Variants in ELAVL1 observed in about 807,000 individuals in gnomAD.
ELAVL1 encodes ELAV like RNA binding protein 1, also known as ELAV-like protein 1.
A neutral mutation model predicts 28.4 loss-of-function variants in ELAVL1; 1 was observed. The ratio of observed to expected loss-of-function variants is 0.04; its 90% CI spans 0.01 to 0.17. ELAVL1 has a LOEUF of 0.17. ELAVL1 is among the 10% of genes least tolerant of loss of function. The pLI, the probability that ELAVL1 is intolerant of heterozygous loss-of-function variation, is 1.00. For synonymous variants in ELAVL1, 174 were observed against 183.5 expected (o/e 0.95, Z 0.42); for missense variants, 157 against 447.2 (o/e 0.35, Z 5.85).
rs944471928 is a variant in ELAVL1, at chr19:7,979,552, A to T, written c.276+1531T>A. Among the ~76,000 whole-genome samples, 2 of 152,180 alleles carry T rather than the reference A, an allele frequency of 1.3e-5. No homozygotes were observed. The highest frequency in any genetic ancestry group is 2.9e-5 in the Non-Finnish European group (2 of 68,030). ...CCTTCACACATTTTCTAAATAGGGG[A>T]GAGAATTCCTAGATGGGGAGTCCAG... On this transcript the variant is annotated intron_variant, in intron 3 of 5. Transcript: ENST00000407627. The surrounding 1 kb of genome is among the most constrained non-coding windows in gnomAD (Gnocchi z 5.4).
At chr19:7,964,017 C>T (rs1007898280) in intron 5 of ELAVL1, among the ~76,000 whole-genome samples, 3 of 152,168 alleles carry the variant, frequency 2.0e-5, no homozygotes, top group African/African-American at 7.2e-5. Context: ...CTGTAGGGAG[C>T]TGACTCTGAG....
At chr19:7,967,814 G>A (rs780984613) in intron 4 of ELAVL1, 24 bp from the exon 5 acceptor site, 57 of 1,604,230 alleles carry the variant, frequency 3.6e-5, no homozygotes, top group African/African-American at 5.4e-5. Context: ...CAACAAAAAC[G>A]GAGTTAGGGG....
rs1202116656 is a variant in ELAVL1, at chr19:7,960,295, G to A, written c.*3188C>T. The stretch of plus-strand genomic sequence containing the variant: ...TAAGGCCAAGCGCAGACTCTCAGAG[G>A]TTAAGGCAGCTGCCCTTGGCCAGGA... On this transcript the variant is annotated 3_prime_UTR_variant, in exon 6 of 6. Coordinates refer to ENST00000407627, the MANE Select transcript of ELAVL1 (RefSeq NM_001419.3). The A allele has an allele frequency of 6.6e-6, 1 of 152,202 alleles. No homozygotes were observed. Among genetic ancestry groups the A allele is most frequent in the African/African-American group, 2.4e-5 (1 of 41,454 alleles). 9.4% of individuals were successfully genotyped at this position (152,202 alleles called of 1,614,324 possible). A position where few individuals can be genotyped will look rare whatever the true frequency, so the allele number is the denominator to read the frequency against.
At chr19:7,967,542 G>GCC in intron 5 of ELAVL1, 23 bp downstream of exon 5, 1 of 1,609,800 alleles carries the variant, frequency 6.2e-7, no homozygotes, top group Non-Finnish European at 8.5e-7. Context: ...TGGCTTTCAG[G>GCC]AGCGCGCACC....
At chr19:8,004,967 G>T (rs1158214807) in intron 1 of ELAVL1, among the ~76,000 whole-genome samples, 1 of 152,120 alleles carries the variant, frequency 6.6e-6, no homozygotes, top group Non-Finnish European at 1.5e-5. Context: ...AAAAAAAGAT[G>T]CAGTTTAGAT....
Position 7,961,050 on chromosome 19 carries a change from T to G in ELAVL1, c.*2433A>C, listed in dbSNP as rs1371530050. The G allele has an allele frequency of 3.3e-5, 5 of 152,246 alleles. No individual in the cohort carries two copies. The highest frequency in any genetic ancestry group is 1.2e-4 in the African/African-American group (5 of 41,462). The allele number at this position is 152,246 out of a possible 1,614,324, so 9.4% of individuals were successfully genotyped here. A position where few individuals can be genotyped will look rare whatever the true frequency, so the allele number is the denominator to read the frequency against. On this transcript the variant is annotated 3_prime_UTR_variant, in exon 6 of 6. Coordinates refer to ENST00000407627, the MANE Select transcript of ELAVL1 (RefSeq NM_001419.3). Reference sequence around the variant, plus strand: ...TTCAAACAGCGGAGACCACATACAATGAGAATGTTCCTGAACTGAGAAACT... The same window carrying G: ...TTCAAACAGCGGAGACCACATACAAGGAGAATGTTCCTGAACTGAGAAACT...
At chr19:8,002,347 C>CATA (rs1226446335) in intron 1 of ELAVL1, 1 of 364,320 alleles carries the variant, frequency 2.7e-6, no homozygotes, top group Non-Finnish European at 5.4e-6. Context: ...TCAGCCAGGG[C>CATA]ATAATTCTCA....
At chr19:7,966,577 T>C (rs1216726220) in intron 5 of ELAVL1, among the ~76,000 whole-genome samples, 2 of 152,230 alleles carry the variant, frequency 1.3e-5, no homozygotes, top group African/African-American at 4.8e-5. Flanking sequence ...CACCCGAGTA[T>C]ACCTAAGGCA....
chr19:7,974,009 T>G (rs1313134782), intron 3 of ELAVL1, 131 bp from the exon 4 acceptor site: 1 of 1,208,852 alleles, frequency 8.3e-7, no homozygotes, highest in Non-Finnish European at 1.1e-6. Flanking sequence ...TTATCATCAC[T>G]GACGCTCACC....
chr19:7,975,798 G>C (rs753382459), intron 3 of ELAVL1, among the ~76,000 whole-genome samples: 1 of 152,334 alleles, frequency 6.6e-6, no homozygotes, highest in Middle Eastern at 3.4e-3. Flanking sequence ...AAATGTGACT[G>C]ATGTCCTTAT....
intron 2 of ELAVL1, among the ~76,000 whole-genome samples, chr19:7,988,622 A>G (rs1314638993): frequency 6.6e-6 from 1 of 152,168 alleles, no homozygotes; most frequent in East Asian, 1.9e-4. Flanking sequence ...GGCTCTCGCT[A>G]GGGGAGACTC....
At chr19:7,983,456 G>A (rs1481911227) in intron 2 of ELAVL1, among the ~76,000 whole-genome samples, 2 of 152,238 alleles carry the variant, frequency 1.3e-5, no homozygotes, top group East Asian at 3.8e-4. Flanking sequence ...GACACCACGG[G>A]AGGGACTCGG....
At chr19:7,980,617 GC>G (rs1401635339) in intron 3 of ELAVL1, among the ~76,000 whole-genome samples, 1 of 152,200 alleles carries the variant, frequency 6.6e-6, no homozygotes, top group African/African-American at 2.4e-5. Flanking sequence ...CACGGCAACT[GC>G]CGGTCACACA....
At position 7,979,239 on chromosome 19, in the gene ELAVL1, C is replaced by A. The variant is rs930414824; in HGVS notation, c.276+1844G>T. 6.6e-6 allele frequency among the ~76,000 whole-genome samples: 1 copy of A among 152,218 alleles called. No homozygotes were observed. The highest frequency in any genetic ancestry group is 2.4e-5 in the African/African-American group (1 of 41,458). On this transcript the variant is annotated intron_variant, in intron 3 of 5. Coordinates refer to ENST00000407627, the MANE Select transcript of ELAVL1 (RefSeq NM_001419.3). The surrounding 1 kb of genome is among the most constrained non-coding windows in gnomAD (Gnocchi z 5.4). The stretch of plus-strand genomic sequence containing the variant: ...TGAAGCCACTGAGAAGCAGACTCTG[C>A]CGGCAGAGGGCAGGGCCGCCGAAGG...
At chr19:7,969,284 A>G (rs1985037899) in intron 4 of ELAVL1, among the ~76,000 whole-genome samples, 2 of 152,198 alleles carry the variant, frequency 1.3e-5, no homozygotes, top group South Asian at 4.1e-4. Flanking sequence ...GCATGGTAAC[A>G]AACAACGACC....
intron 2 of ELAVL1, among the ~76,000 whole-genome samples, chr19:7,983,488 G>C (rs1374817078): frequency 1.3e-5 from 2 of 152,206 alleles, no homozygotes; most frequent in Non-Finnish European, 2.9e-5. Context: ...CAGGACCAGA[G>C]GGGACAGCCT....
intron 1 of ELAVL1, chr19:8,002,061 A>AAC (rs1292958434): frequency 1.6e-6 from 2 of 1,289,304 alleles, no homozygotes; most frequent in Non-Finnish European, 2.0e-6. Flanking sequence ...CCTGCAGGGT[A>AAC]ACAGCCAAGC....
chr19:8,003,371 A>AG (rs1568318944), intron 1 of ELAVL1, among the ~76,000 whole-genome samples: 9 of 130,598 alleles, frequency 6.9e-5, no homozygotes, highest in South Asian at 2.3e-4. Context: ...AAAAAAAAAA[A>AG]AAAGAAAAAG....
intron 4 of ELAVL1, among the ~76,000 whole-genome samples, chr19:7,970,891 GT>G (rs1985090870): frequency 6.6e-6 from 1 of 152,134 alleles, no homozygotes. Flanking sequence ...TAAAAAGCCC[GT>G]CACAGGAAGG....
Sources: allele counts gnomAD v4.1 joint callset (sites outside exome capture counted in the v4.1 genomes callset), GRCh38; gene constraint gnomAD v4.1.1; non-coding constraint Gnocchi (gnomAD v3.1); transcripts MANE v1.5; gene names NCBI Gene and HGNC (gene_info 2026-07-23, HGNC 2026-07-21).